GMPPB: variants seen among roughly 807,000 people sequenced by gnomAD.
GMPPB encodes the protein GDP-mannose pyrophosphorylase B, also known as mannose-1-phosphate guanylyltransferase catalytic subunit beta.
Under a neutral mutation model 40.3 loss-of-function variants are expected in GMPPB, and 38 were observed. The ratio of observed to expected loss-of-function variants is 0.94; its 90% CI spans 0.73 to 1.24. GMPPB has a LOEUF of 1.24. Ranked by LOEUF, GMPPB falls within the 50% of genes most tolerant of loss-of-function variation. The pLI, the probability that GMPPB is intolerant of heterozygous loss-of-function variation, is 0.00. For missense variants in GMPPB, 436 were observed against 487.1 expected, an observed-to-expected ratio of 0.90 and a Z score of 0.99; for synonymous variants, 193 against 191.8, an observed-to-expected ratio of 1.01 and a Z score of -0.05.
In GMPPB at chr3:49,723,608, G is replaced by C. The variant is rs1387498672; in HGVS notation, c.119C>G (p.Ala40Gly). 1 of 1,588,726 alleles carries C rather than the reference G, an allele frequency of 6.3e-7. No individual in the cohort carries two copies. Among genetic ancestry groups the C allele is most frequent in the Admixed American group, 1.7e-5 (1 of 57,820 alleles). The change falls in exon 1 of 9, where the codon GCG becomes GGG. Residue 40 changes from alanine (A) to glycine (G), a missense_variant. Transcript: ENST00000308388. ...GACCCAGGGTCTTACCGCGGCTAGCGCCTCCACTTGGTGCAGCAAGATGGG... is the reference window on the plus strand; with the variant it reads ...GACCCAGGGTCTTACCGCGGCTAGCCCCTCCACTTGGTGCAGCAAGATGGG... ...NKPILLHQVE[A>G]LAAAGVDHVI...
At position 49,723,795 on chromosome 3, in the gene GMPPB, C is replaced by A. The variant is rs772600723; in HGVS notation, c.-69G>T. Reference sequence around the variant, plus strand: ...CTGCAGCCCGCCTGGCCGGTCCCTGCCGCGCACTCCCAACGCCGTGCCCGG... The same window carrying A: ...CTGCAGCCCGCCTGGCCGGTCCCTGACGCGCACTCCCAACGCCGTGCCCGG... On this transcript the variant is annotated 5_prime_UTR_variant, in exon 1 of 9. Coordinates refer to ENST00000308388, the MANE Select transcript of GMPPB (RefSeq NM_021971.4). 45 of 1,479,554 alleles carry A rather than the reference C, an allele frequency of 3.0e-5. No homozygotes were observed. The highest frequency in any genetic ancestry group is 3.7e-5 in the Non-Finnish European group (42 of 1,123,850). 91.7% of individuals were successfully genotyped at this position (1,479,554 alleles called of 1,614,324 possible).
chr3:49,722,905 C>T, intron 4 of GMPPB, 67 bp downstream of exon 4: 6 of 1,567,444 alleles, frequency 3.8e-6, no homozygotes, highest in Non-Finnish European at 4.4e-6. Flanking sequence ...CAGATGAAGG[C>T]TAGGGGGCAT....
Position 49,721,245 on chromosome 3 carries a change from C to G in GMPPB, c.*507G>C. 1 of 1,614,222 alleles carries G rather than the reference C, an allele frequency of 6.2e-7. No homozygotes were observed. The highest frequency in any genetic ancestry group is 8.5e-7 in the Non-Finnish European group (1 of 1,180,020). On this transcript the variant is annotated 3_prime_UTR_variant, in exon 9 of 9. Coordinates refer to ENST00000308388, the MANE Select transcript of GMPPB (RefSeq NM_021971.4). ...ACTGCTTCTTCTGCAAAACCACCATCGTGTCTGTAGAGGACTGGGAGAAGG... is the reference window on the plus strand; with the variant it reads ...ACTGCTTCTTCTGCAAAACCACCATGGTGTCTGTAGAGGACTGGGAGAAGG...
Position 49,720,392 on chromosome 3 carries a change from GA to G in GMPPB, c.*1359del. On this transcript the variant is annotated 3_prime_UTR_variant, in exon 9 of 9. Coordinates refer to ENST00000308388, the MANE Select transcript of GMPPB (RefSeq NM_021971.4). ...TTGGGGTTTGGGAAGCAGGGAGACG[GA>G]AAGGATGCAGGGGGGGTGATCATGT... 1 of 1,032,574 alleles carries G rather than the reference GA, an allele frequency of 9.7e-7. No homozygotes were observed. The highest frequency in any genetic ancestry group is 1.3e-6 in the Non-Finnish European group (1 of 753,836). 64.0% of individuals were successfully genotyped at this position (1,032,574 alleles called of 1,614,324 possible).
At chr3:49,722,810 A>G in intron 4 of GMPPB, 56 bp from the exon 5 acceptor site, 1 of 1,566,730 alleles carries the variant, frequency 6.4e-7, no homozygotes, top group Non-Finnish European at 8.7e-7. Flanking sequence ...GCCTTGATAC[A>G]CATGCCGTTC....
rs781224121 is a variant in GMPPB at position 49,723,720 on chromosome 3, C to T, written c.7G>A (p.Ala3Thr). The T allele has an allele frequency of 6.3e-7, 1 of 1,588,446 alleles. No homozygotes were observed. The highest frequency in any genetic ancestry group is 8.5e-7 in the Non-Finnish European group (1 of 1,170,794). Residue 3 changes from alanine (A) to threonine (T), a missense_variant, in exon 1 of 9, where the codon GCA becomes ACA. Ala to Thr is a moderately conservative substitution (Grantham distance 58). Transcript: ENST00000308388. Reference sequence around the variant, plus strand: ...CCATAGCCCCCCACTAAGATCAGTGCCTTCATCGCGCCTGCGGACGTTGAG... The same window carrying T: ...CCATAGCCCCCCACTAAGATCAGTGTCTTCATCGCGCCTGCGGACGTTGAG... MK[A>T]LILVGGYGTR...
chr3:49,720,330 A>AAAAC lies in GMPPB; in HGVS notation c.*1418_*1421dup, dbSNP rs1311536314. ...GACTCGTCTCAAGAAAAAAAAAAAA[A>AAAAC]AAACAGGCTGTGTGGCACCTTACTA... On this transcript the variant is annotated 3_prime_UTR_variant, in exon 9 of 9. Coordinates refer to ENST00000308388, the MANE Select transcript of GMPPB (RefSeq NM_021971.4). 1.4e-5 allele frequency: 7 copies of AAAAC among 505,598 alleles called. No individual in the cohort carries two copies. The highest frequency in any genetic ancestry group is 2.0e-5 in the African/African-American group (1 of 50,964). 31.3% of individuals were successfully genotyped at this position (505,598 alleles called of 1,614,324 possible). A position where few individuals can be genotyped will look rare whatever the true frequency, so the allele number is the denominator to read the frequency against.
chr3:49,721,128 T>TGGTG lies in GMPPB; in HGVS notation c.*620_*623dup. The TGGTG allele has an allele frequency of 6.2e-7, 1 of 1,613,884 alleles. No individual in the cohort carries two copies. Among genetic ancestry groups the TGGTG allele is most frequent in the Non-Finnish European group, 8.5e-7 (1 of 1,179,840 alleles). On this transcript the variant is annotated 3_prime_UTR_variant, in exon 9 of 9. Transcript: ENST00000308388. ...CAAGTAAGTGGGCCCCACAGCTTGG[T>TGGTG]GGTGGGGAGAGCAGTAGGTACATGC...
Position 49,721,117 on chromosome 3 carries a change from C to G in GMPPB, c.*635G>C. ...CACAAGTCCTGCAAGTAAGTGGGCC[C>G]CACAGCTTGGTGGTGGGGAGAGCAG... On this transcript the variant is annotated 3_prime_UTR_variant, in exon 9 of 9. Coordinates refer to ENST00000308388, the MANE Select transcript of GMPPB (RefSeq NM_021971.4). The G allele has an allele frequency of 6.2e-7, 1 of 1,613,932 alleles. No homozygotes were observed.
chr3:49,722,430 A>G lies in GMPPB; in HGVS notation c.640+2T>C. On this transcript the variant is annotated splice_donor_variant, in intron 6 of 8. Transcript: ENST00000308388. LOFTEE classifies it high-confidence loss of function. ...CCCCACCCTGTGGCCTCCCTGCCTC[A>G]CCCTGTAACTCCATGGCATATAGCT... The G allele has an allele frequency of 6.2e-7, 1 of 1,613,996 alleles. No homozygotes were observed. Among genetic ancestry groups the G allele is most frequent in the South Asian group, 1.1e-5 (1 of 91,066 alleles).
At position 49,720,331 on chromosome 3, in the gene GMPPB, A is replaced by C. The variant is rs1056525071; in HGVS notation, c.*1421T>G. 55 of 507,094 alleles carry C rather than the reference A, an allele frequency of 1.1e-4. No homozygotes were observed. Among genetic ancestry groups the C allele is most frequent in the African/African-American group, 9.4e-4 (48 of 51,124 alleles). The allele number at this position is 507,094 out of a possible 1,614,324, so 31.4% of individuals were successfully genotyped here. A position where few individuals can be genotyped will look rare whatever the true frequency, so the allele number is the denominator to read the frequency against. ...ACTCGTCTCAAGAAAAAAAAAAAAA[A>C]AACAGGCTGTGTGGCACCTTACTAG... On this transcript the variant is annotated 3_prime_UTR_variant, in exon 9 of 9. Transcript: ENST00000308388.
At position 49,722,451 on chromosome 3, in the gene GMPPB, T is replaced by C. The variant is rs369255307; in HGVS notation, c.621A>G (p.Leu207=). ...VFPIMAKEGQ[L]YAMELQGFWM... Reference sequence around the variant, plus strand: ...CCTCACCCTGTAACTCCATGGCATATAGCTGCCCCTCCTTGGCCATAATGG... The same window carrying C: ...CCTCACCCTGTAACTCCATGGCATACAGCTGCCCCTCCTTGGCCATAATGG... Residue 207 remains leucine, a synonymous_variant, in exon 6 of 9, where the codon CTA becomes CTG. Coordinates refer to ENST00000308388, the MANE Select transcript of GMPPB (RefSeq NM_021971.4). The C allele has an allele frequency of 6.6e-5, 106 of 1,614,056 alleles. No individual in the cohort carries two copies. Among genetic ancestry groups the C allele is most frequent in the Non-Finnish European group, 8.4e-5 (99 of 1,180,018 alleles).
rs752457623 is a variant in GMPPB, at chr3:49,722,115, G to A, written c.801C>T (p.Ser267=). ...GTCCCAGGCTCACATTGGGGCCAAT[G>A]CTGCAGTTCTGGCCGATGCGGGCAC... ...DPSARIGQNC[S]IGPNVSLGPG... The change falls in exon 8 of 9, where the codon AGC becomes AGT. Residue 267 remains serine, a synonymous_variant. Coordinates refer to ENST00000308388, the MANE Select transcript of GMPPB (RefSeq NM_021971.4). The A allele has an allele frequency of 1.2e-5, 20 of 1,613,166 alleles. No individual in the cohort carries two copies. The highest frequency in any genetic ancestry group is 1.6e-5 in the Non-Finnish European group (19 of 1,179,784).
intron 4 of GMPPB, 42 bp downstream of exon 4, chr3:49,722,930 G>A: frequency 1.2e-6 from 2 of 1,603,298 alleles, no homozygotes. Context: ...GGCTGGGCAT[G>A]GAGGGTGAAA....
At position 49,722,361 on chromosome 3, in the gene GMPPB, G is replaced by GGATGCAC; in HGVS notation, c.641-4_641-3insGTGCATC. On this transcript the variant is annotated splice_region_variant and splice_polypyrimidine_tract_variant and intron_variant, in intron 6 of 8. Coordinates refer to ENST00000308388, the MANE Select transcript of GMPPB (RefSeq NM_021971.4). ...CTGCCCAATGTCCATCCAGAAGCCT[G>GGATGCAC]TAGGGAGGGATGCATCAGGGGCCTC... 6.2e-7 allele frequency: 1 copy of GGATGCAC among 1,613,802 alleles called. No individual in the cohort carries two copies. Among genetic ancestry groups the GGATGCAC allele is most frequent in the Non-Finnish European group, 8.5e-7 (1 of 1,179,858 alleles).
Position 49,721,684 on chromosome 3 carries a change from G to C in GMPPB, c.*68C>G. On this transcript the variant is annotated 3_prime_UTR_variant, in exon 9 of 9. Transcript: ENST00000308388. ...AATAATGACAAGTCCAGGGTCTTCT[G>C]ATGTGTCAGGCCAGCACTCCCCTTG... 7.0e-7 allele frequency: 1 copy of C among 1,422,164 alleles called. No homozygotes were observed. The allele number at this position is 1,422,164 out of a possible 1,614,324, so 88.1% of individuals were successfully genotyped here.
At position 49,720,646 on chromosome 3, in the gene GMPPB, G is replaced by T; in HGVS notation, c.*1106C>A. ...CCCCTGACCGGAAGCGCTTCTCCCT[G>T]CAGAGCTGTGAGTGGGCTGGTGGGG... On this transcript the variant is annotated 3_prime_UTR_variant, in exon 9 of 9. Coordinates refer to ENST00000308388, the MANE Select transcript of GMPPB (RefSeq NM_021971.4). 6.3e-7 allele frequency: 1 copy of T among 1,599,650 alleles called. No individual in the cohort carries two copies. The highest frequency in any genetic ancestry group is 1.1e-5 in the South Asian group (1 of 89,836).
rs961005962 is a variant in GMPPB, at chr3:49,720,404, G to T, written c.*1348C>A. The T allele has an allele frequency of 9.5e-6, 11 of 1,152,420 alleles. No homozygotes were observed. Among genetic ancestry groups the T allele is most frequent in the African/African-American group, 3.1e-5 (2 of 64,702 alleles). The allele number at this position is 1,152,420 out of a possible 1,614,324, so 71.4% of individuals were successfully genotyped here. ...AAGCAGGGAGACGGAAAGGATGCAG[G>T]GGGGGTGATCATGTACGAGCCATGG... On this transcript the variant is annotated 3_prime_UTR_variant, in exon 9 of 9. Coordinates refer to ENST00000308388, the MANE Select transcript of GMPPB (RefSeq NM_021971.4).
chr3:49,719,960 GATA>G lies in GMPPB; in HGVS notation c.*1789_*1791del. 6.0e-6 allele frequency: 1 copy of G among 166,126 alleles called. No homozygotes were observed. Among genetic ancestry groups the G allele is most frequent in the Non-Finnish European group, 1.3e-5 (1 of 75,618 alleles). The allele number at this position is 166,126 out of a possible 1,614,324, so 10.3% of individuals were successfully genotyped here. ...TTATTTGAAGTGACTTTGAAGGACT[GATA>G]ATATTATGGGGCAGGCAGACTCTCA... On this transcript the variant is annotated 3_prime_UTR_variant, in exon 9 of 9. Transcript: ENST00000308388.
Sources: allele counts gnomAD v4.1 joint callset, GRCh38; gene constraint gnomAD v4.1.1; transcripts MANE v1.5; gene names NCBI Gene and HGNC (gene_info 2026-07-23, HGNC 2026-07-21).